The following ATP11C variants were observed in gnomAD, a reference collection of about 807,000 sequenced individuals.
ATP11C encodes the protein ATPase phospholipid transporting 11C (ATP11C blood group).
In ATP11C, 36 loss-of-function variants were observed where a neutral mutation model predicts 97.4. That is an observed-to-expected ratio of 0.37 (90% CI 0.28 to 0.49). ATP11C has a LOEUF of 0.49. ATP11C is among the 20% of genes least tolerant of loss of function. The pLI is 0.98. For missense variants in ATP11C, 730 were observed against 824.6 expected (o/e 0.89, Z 1.40); for synonymous variants, 275 against 290.9 (o/e 0.95, Z 0.56).
At chrX:139,853,051 G>A (rs1004793340) in intron 1 of ATP11C, among the ~76,000 whole-genome samples, 16 of 110,694 alleles carry the variant, frequency 1.4e-4, no homozygotes, top group Admixed American at 8.6e-4. Flanking sequence ...CTTCCCTGGT[G>A]TTGAGGGGTT....
intron 1 of ATP11C, among the ~76,000 whole-genome samples, chrX:139,853,833 CAAAAAAAAAAAAA>C (rs934664774): frequency 1.9e-4 from 4 of 21,270 alleles, no homozygotes; most frequent in South Asian, 5.5e-3. Context: ...TATCCTAAGT[CAAAAAAAAAAAAA>C]AAAAAAAAAA....
chrX:139,828,170 T>C (rs1342192054), intron 1 of ATP11C, among the ~76,000 whole-genome samples: 1 of 111,710 alleles, frequency 9.0e-6, no homozygotes, highest in African/African-American at 3.3e-5. Context: ...TAAGTATCTA[T>C]GCTGGATAGC....
chrX:139,907,738 ACT>A (rs1382466900), intron 1 of ATP11C, among the ~76,000 whole-genome samples: 3 of 107,431 alleles, frequency 2.8e-5, no homozygotes, highest in Non-Finnish European at 3.8e-5. Context: ...ACAGAGCGAC[ACT>A]CTGTCTCAAA....
At chrX:139,791,985 T>C (rs2082698981) in intron 12 of ATP11C, among the ~76,000 whole-genome samples, 1 of 111,138 alleles carries the variant, frequency 9.0e-6, no homozygotes, top group African/African-American at 3.3e-5. Flanking sequence ...ACAGTGTTTT[T>C]GCATGCTAAT....
chrX:139,846,086 A>G (rs1043358257), intron 1 of ATP11C, among the ~76,000 whole-genome samples: 2 of 112,031 alleles, frequency 1.8e-5, no homozygotes, highest in African/African-American at 6.5e-5. Context: ...AAGTTGCAAT[A>G]AAGGGCCATG....
chrX:139,855,501 G>A (rs2084075748), intron 1 of ATP11C, among the ~76,000 whole-genome samples: 1 of 111,371 alleles, frequency 9.0e-6, no homozygotes, highest in Non-Finnish European at 1.9e-5. Context: ...AAAAAGGGAT[G>A]GACTCATCAT....
chrX:139,776,729 G>C (rs1325840596), intron 18 of ATP11C, among the ~76,000 whole-genome samples: 2 of 111,608 alleles, frequency 1.8e-5, no homozygotes, highest in Non-Finnish European at 3.8e-5. Flanking sequence ...ACTGAAGCCT[G>C]AACTGCACCA....
chrX:139,789,404 A>G lies in ATP11C; in HGVS notation c.1291T>C (p.Tyr431His), dbSNP rs2148732974. ...TCAACCTCTTGAGTTACACCTTTAT[A>G]TTTGTGGCCATCTATGCAGCATTCA... is the stretch of plus-strand genomic sequence containing the variant. ...FIECCIDGHK[Y>H]KGVTQEVDGL... The change falls in exon 13 of 30, where the codon TAT (tyrosine) becomes CAT (histidine). Residue 431 changes from tyrosine (Y) to histidine (H), a missense_variant. Physicochemically the swap from Tyr to His is moderately conservative, Grantham distance 83. Transcript: ENST00000682941. 8.3e-7 allele frequency: 1 copy of G among 1,205,483 alleles called. No homozygotes were observed. The highest frequency in any genetic ancestry group is 3.0e-5 in the East Asian group (1 of 33,761).
intron 1 of ATP11C, among the ~76,000 whole-genome samples, chrX:139,900,820 T>C (rs1171723394): frequency 8.9e-6 from 1 of 112,238 alleles, no homozygotes; most frequent in Non-Finnish European, 1.9e-5. Flanking sequence ...AATGTTTGGG[T>C]TCCCCCTCCA....
intron 18 of ATP11C, among the ~76,000 whole-genome samples, chrX:139,776,565 A>G (rs1194887463): frequency 9.0e-6 from 1 of 111,323 alleles, no homozygotes; most frequent in Non-Finnish European, 1.9e-5. Flanking sequence ...CAGGATGAGG[A>G]GCTGGTGCAC....
intron 1 of ATP11C, among the ~76,000 whole-genome samples, chrX:139,870,041 T>C (rs1197023031): frequency 9.0e-6 from 1 of 110,923 alleles, no homozygotes; most frequent in Non-Finnish European, 1.9e-5. Context: ...AACTGTATGA[T>C]CCCACTTCAT....
chrX:139,905,087 G>A lies in ATP11C; in HGVS notation c.27+26929C>T, dbSNP rs142766912. 3.6e-3 allele frequency among the ~76,000 whole-genome samples: 407 copies of A among 112,229 alleles called. 2 individuals carry two copies. In the Middle Eastern group the frequency reaches 0.037, roughly 10 times the overall value. ...AATTGGGTGATGGACTGGGTAAGAC[G>A]GAGTGAGGGAAAGGAAGAAAGATTC... is the stretch of plus-strand genomic sequence containing the variant. On this transcript the variant is annotated intron_variant, in intron 1 of 29. Transcript: ENST00000682941.
At chrX:139,801,446 T>C (rs1233080298) in intron 7 of ATP11C, among the ~76,000 whole-genome samples, 1 of 112,164 alleles carries the variant, frequency 8.9e-6, no homozygotes, top group Non-Finnish European at 1.9e-5. Context: ...GTAGAATGAA[T>C]ACTTTGTTTT....
At chrX:139,783,656 T>C (rs1417095546) in intron 16 of ATP11C, among the ~76,000 whole-genome samples, 1 of 111,179 alleles carries the variant, frequency 9.0e-6, no homozygotes, top group East Asian at 2.8e-4. Context: ...GAGGATCACT[T>C]AAGCTCAGGA....
chrX:139,916,373 T>C (rs1424717414), intron 1 of ATP11C, among the ~76,000 whole-genome samples: 3 of 111,659 alleles, frequency 2.7e-5, no homozygotes, highest in Non-Finnish European at 3.8e-5. Flanking sequence ...GAGCACATAT[T>C]ATGTCAGGCA....
At chrX:139,790,468 A>T (rs866838805) in intron 12 of ATP11C, among the ~76,000 whole-genome samples, 1 of 93,919 alleles carries the variant, frequency 1.1e-5, no homozygotes, top group African/African-American at 5.2e-5. Context: ...TCTCACTCAC[A>T]CACACACACA....
At chrX:139,818,093 T>C (rs778644033) in intron 3 of ATP11C, among the ~76,000 whole-genome samples, 13 of 111,672 alleles carry the variant, frequency 1.2e-4, no homozygotes, top group Non-Finnish European at 2.3e-4. Flanking sequence ...CAGTTCAGCA[T>C]TCTCCACCAA....
In ATP11C at chrX:139,728,039, T is replaced by C. The variant is rs761518443; in HGVS notation, c.*927A>G. On this transcript the variant is annotated 3_prime_UTR_variant, in exon 30 of 30. Coordinates refer to ENST00000682941, the MANE Select transcript of ATP11C (RefSeq NM_001353812.2). Reference sequence around the variant, plus strand: ...ACCGTCAAAAGTTTAAAATAAGCTATATTTCTTCCTCTTCACATAAAATTA... The same window carrying C: ...ACCGTCAAAAGTTTAAAATAAGCTACATTTCTTCCTCTTCACATAAAATTA... 8 of 112,410 alleles carry C rather than the reference T, an allele frequency of 7.1e-5. No individual in the cohort carries two copies. Among genetic ancestry groups the C allele is most frequent in the African/African-American group, 2.6e-4 (8 of 30,994 alleles). 9.3% of individuals were successfully genotyped at this position (112,410 alleles called of 1,213,427 possible).
At chrX:139,765,449 T>C (rs924415693) in intron 20 of ATP11C, among the ~76,000 whole-genome samples, 1 of 111,901 alleles carries the variant, frequency 8.9e-6, no homozygotes, top group Non-Finnish European at 1.9e-5. Flanking sequence ...CAGGAATGTA[T>C]GATATTGTCA....
Sources: allele counts gnomAD v4.1 joint callset (sites outside exome capture counted in the v4.1 genomes callset), GRCh38; gene constraint gnomAD v4.1.1; transcripts MANE v1.5; gene names NCBI Gene and HGNC (gene_info 2026-07-23, HGNC 2026-07-21).